Variants in GABBR2 observed in about 807,000 individuals in gnomAD.
GABBR2 encodes gamma-aminobutyric acid type B receptor subunit 2.
Under a neutral mutation model 105.6 loss-of-function variants are expected in GABBR2, and 23 were observed. That is an observed-to-expected ratio of 0.22 (90% CI 0.16 to 0.31). The LOEUF (loss-of-function observed/expected upper bound fraction) is 0.31, where lower values mean the gene tolerates loss of function less well. Ranked by LOEUF, GABBR2 falls within the 10% of genes least tolerant of loss-of-function variation. GABBR2 has a pLI of 1.00. For missense variants in GABBR2, 734 were observed against 1,245.5 expected, an observed-to-expected ratio of 0.59 and a Z score of 6.18; for synonymous variants, 478 against 499.7, an observed-to-expected ratio of 0.96 and a Z score of 0.58.
intron 1 of GABBR2, among the ~76,000 whole-genome samples, chr9:98,579,360 C>T (rs913472737): frequency 1.3e-5 from 2 of 152,150 alleles, no homozygotes; most frequent in Non-Finnish European, 1.5e-5. Context: ...GGGCCCACGA[C>T]GAGTATCAGG....
intron 2 of GABBR2, among the ~76,000 whole-genome samples, chr9:98,561,608 G>A (rs906749905): frequency 6.6e-6 from 1 of 152,186 alleles, no homozygotes; most frequent in Non-Finnish European, 1.5e-5. Flanking sequence ...GAGGTTGGGT[G>A]CAGTGGCTCA....
chr9:98,670,085 C>A (rs992717174), intron 1 of GABBR2, among the ~76,000 whole-genome samples: 1 of 152,014 alleles, frequency 6.6e-6, no homozygotes, highest in Non-Finnish European at 1.5e-5. Flanking sequence ...AAGGGCCAGC[C>A]GAAGGACTGT....
chr9:98,429,221 C>T (rs1825756621), intron 7 of GABBR2, among the ~76,000 whole-genome samples: 1 of 151,696 alleles, frequency 6.6e-6, no homozygotes, highest in Non-Finnish European at 1.5e-5. Context: ...CTCACTGCAA[C>T]CTCCACCTCC....
At chr9:98,661,945 T>C (rs1207617578) in intron 1 of GABBR2, among the ~76,000 whole-genome samples, 2 of 152,108 alleles carry the variant, frequency 1.3e-5, no homozygotes, top group Non-Finnish European at 2.9e-5. Flanking sequence ...CCCTGGAGAA[T>C]TGGTCGAGGC....
intron 2 of GABBR2, among the ~76,000 whole-genome samples, chr9:98,548,787 G>C (rs796338018): frequency 4.1e-5 from 5 of 120,804 alleles, no homozygotes; most frequent in African/African-American, 1.1e-4. Context: ...GGAATGCTAG[G>C]AAGCAAAGCT....
rs148838311 is a variant in GABBR2 at position 98,397,534 on chromosome 9, C to T, written c.1298-3279G>A. On this transcript the variant is annotated intron_variant, in intron 8 of 18. Coordinates refer to ENST00000259455, the MANE Select transcript of GABBR2 (RefSeq NM_005458.8). ...AGTTCCTAGCTTGGAACCTAACTCA[C>T]GGTAAGTGTCCAATAAATTACGGTT... Among the ~76,000 whole-genome samples, 1,022 of 152,212 alleles carry T rather than the reference C, an allele frequency of 6.7e-3. 12 individuals carry two copies. The highest frequency in any genetic ancestry group is 0.034 in the Middle Eastern group (10 of 294).
chr9:98,644,967 AAT>A (rs1444716462), intron 1 of GABBR2, among the ~76,000 whole-genome samples: 3 of 152,186 alleles, frequency 2.0e-5, no homozygotes, highest in African/African-American at 4.8e-5. Flanking sequence ...TTAGCCCAGC[AAT>A]ATATGTTACC....
chr9:98,548,916 T>TTTTG (rs1321532046), intron 2 of GABBR2, among the ~76,000 whole-genome samples: 3 of 120,976 alleles, frequency 2.5e-5, no homozygotes, highest in African/African-American at 7.9e-5. Flanking sequence ...GTGTATGTTT[T>TTTTG]TTTGTTTGTT....
chr9:98,680,558 C>G (rs1296364054), intron 1 of GABBR2, among the ~76,000 whole-genome samples: 2 of 152,140 alleles, frequency 1.3e-5, no homozygotes, highest in Non-Finnish European at 2.9e-5. Context: ...ATCCGCCCAC[C>G]TCGGCCTCCC....
chr9:98,706,100 C>CAAAAAAAAA (rs1261779483), intron 1 of GABBR2, among the ~76,000 whole-genome samples: 1 of 31,260 alleles, frequency 3.2e-5, no homozygotes, highest in African/African-American at 9.4e-5. Flanking sequence ...CAAAACAAAA[C>CAAAAAAAAA]AAAAAAAACA....
At chr9:98,633,554 G>T (rs139363326) in intron 1 of GABBR2, among the ~76,000 whole-genome samples, 1 of 149,204 alleles carries the variant, frequency 6.7e-6, no homozygotes, top group East Asian at 2.0e-4. Context: ...GAACCCGGAG[G>T]TGGAGGTTAC....
intron 7 of GABBR2, among the ~76,000 whole-genome samples, chr9:98,436,750 T>C (rs916338610): frequency 1.3e-5 from 2 of 152,016 alleles, no homozygotes; most frequent in South Asian, 2.1e-4. Flanking sequence ...AGAATCATTT[T>C]TGCAACTGGA....
At chr9:98,608,016 GA>G in intron 1 of GABBR2, 2 of 1,291,926 alleles carry the variant, frequency 1.5e-6, no homozygotes, top group Admixed American at 1.9e-5. Context: ...ACAATTAGAG[GA>G]AAAACGTCAT....
At chr9:98,673,318 G>A (rs10512259) in intron 1 of GABBR2, among the ~76,000 whole-genome samples, 14,966 of 152,104 alleles carry the variant, frequency 0.098, 1,257 homozygotes, top group African/African-American at 0.23. Context: ...ATAGATAATC[G>A]CCTCGTGCAG....
At chr9:98,645,822 G>T (rs1238712875) in intron 1 of GABBR2, among the ~76,000 whole-genome samples, 1 of 152,180 alleles carries the variant, frequency 6.6e-6, no homozygotes, top group Non-Finnish European at 1.5e-5. Context: ...GTATTGCTTG[G>T]TGCTTCCTAT....
At chr9:98,653,390 TA>T (rs761288029) in intron 1 of GABBR2, among the ~76,000 whole-genome samples, 20 of 152,148 alleles carry the variant, frequency 1.3e-4, no homozygotes, top group Non-Finnish European at 2.5e-4. Context: ...TCTTTACCCA[TA>T]AAAAGAAACT....
intron 1 of GABBR2, among the ~76,000 whole-genome samples, chr9:98,606,483 C>CTTTTTTTTTTTT (rs11452013): frequency 2.3e-5 from 3 of 130,502 alleles, no homozygotes; most frequent in Non-Finnish European, 3.1e-5. Flanking sequence ...TTTTTTTTTT[C>CTTTTTTTTTTTT]TTTTTTTTTT....
chr9:98,436,284 T>TATATATATCCATAA (rs1433860019), intron 7 of GABBR2, among the ~76,000 whole-genome samples: 2 of 104,562 alleles, frequency 1.9e-5, no homozygotes, highest in African/African-American at 7.9e-5. Flanking sequence ...AACAACCATA[T>TATATATATCCATAA]ATATATATAT....
At chr9:98,701,713 G>A (rs1420865169) in intron 1 of GABBR2, among the ~76,000 whole-genome samples, 1 of 152,084 alleles carries the variant, frequency 6.6e-6, no homozygotes, top group African/African-American at 2.4e-5. Flanking sequence ...CCGGCAGAAG[G>A]AAAGACACGC....
Sources: gnomAD v4.1 joint callset for allele counts (sites outside exome capture counted in the v4.1 genomes callset) on GRCh38, gnomAD v4.1.1 for gene constraint, MANE v1.5 for transcripts, NCBI Gene and HGNC (gene_info 2026-07-23, HGNC 2026-07-21) for gene names.